Variants in ACTR3C observed in about 807,000 individuals in gnomAD.
ACTR3C encodes the protein actin-related protein 3C.
In ACTR3C, 18 loss-of-function variants were observed where a neutral mutation model predicts 26.3. That is an observed-to-expected ratio of 0.68 (90% CI 0.47 to 1.01). The LOEUF (loss-of-function observed/expected upper bound fraction) is 1.01, where lower values mean the gene tolerates loss of function less well. ACTR3C is among the 50% of genes least tolerant of loss of function. The probability of loss-of-function intolerance (pLI) is 0.00; values close to 1 mark genes in which losing one functional copy is unlikely to be tolerated. For synonymous variants in ACTR3C, 55 were observed against 94.5 expected, an observed-to-expected ratio of 0.58 and a Z score of 2.42; for missense variants, 184 against 250.7, an observed-to-expected ratio of 0.73 and a Z score of 1.80.
At chr7:150,128,610 C>CCTT in the ACTR3C span, among the ~76,000 whole-genome samples, 1 of 151,542 alleles carries the variant, frequency 6.6e-6, no homozygotes, top group Admixed American at 6.6e-5. Context: ...CCATTTCTGT[C>CCTT]CTTCACTCCT....
chr7:149,951,735 T>C, the ACTR3C span, among the ~76,000 whole-genome samples: 1 of 151,628 alleles, frequency 6.6e-6, no homozygotes, highest in Non-Finnish European at 1.5e-5. Context: ...TGGCAACTGA[T>C]CCAGGACCTT....
At chr7:150,307,572 A>G (rs1453934572) in intron 1 of ACTR3C, among the ~76,000 whole-genome samples, 1 of 152,168 alleles carries the variant, frequency 6.6e-6, no homozygotes, top group East Asian at 1.9e-4. Flanking sequence ...CCCAACTCCT[A>G]TAAAGCAACC....
intron 6 of ACTR3C, among the ~76,000 whole-genome samples, chr7:150,254,192 C>G (rs897778475): frequency 6.6e-6 from 1 of 152,096 alleles, no homozygotes; most frequent in African/African-American, 2.4e-5. Flanking sequence ...AGAGATACCC[C>G]ATATTGATGA....
At chr7:150,134,372 G>A in the ACTR3C span, among the ~76,000 whole-genome samples, 1 of 152,338 alleles carries the variant, frequency 6.6e-6, no homozygotes, top group Non-Finnish European at 1.5e-5. Flanking sequence ...AAGACGAGGG[G>A]AATGAAGACC....
the ACTR3C span, among the ~76,000 whole-genome samples, chr7:150,012,434 C>A: frequency 4.0e-5 from 6 of 151,878 alleles, no homozygotes; most frequent in Non-Finnish European, 8.8e-5. Flanking sequence ...CCTGCCTCAG[C>A]CTCCCAAGTA....
the ACTR3C span, among the ~76,000 whole-genome samples, chr7:150,086,527 C>T: frequency 5.3e-5 from 8 of 151,926 alleles, no homozygotes; most frequent in South Asian, 2.1e-4. Context: ...TTATTTTAGC[C>T]CTGCTTTCTC....
the ACTR3C span, among the ~76,000 whole-genome samples, chr7:150,079,890 C>T: frequency 6.6e-6 from 1 of 152,190 alleles, no homozygotes; most frequent in Non-Finnish European, 1.5e-5. Context: ...CTTGCACTTG[C>T]CCATGTGTTA....
chr7:150,251,425 AT>A (rs1386062319), intron 6 of ACTR3C, among the ~76,000 whole-genome samples: 3 of 152,176 alleles, frequency 2.0e-5, no homozygotes, highest in Non-Finnish European at 2.9e-5. Flanking sequence ...AGAGAGTAAG[AT>A]TTTTTTAATT....
At chr7:150,106,905 C>A in the ACTR3C span, among the ~76,000 whole-genome samples, 1 of 146,026 alleles carries the variant, frequency 6.8e-6, no homozygotes, top group African/African-American at 2.7e-5. Flanking sequence ...TGGTTTAGAA[C>A]CCCAAAGAGA....
chr7:150,219,878 G>C, the ACTR3C span, among the ~76,000 whole-genome samples: 1 of 144,886 alleles, frequency 6.9e-6, no homozygotes. Context: ...ATTGTGAAAG[G>C]GGGAGGGGCT....
At chr7:149,978,983 C>T in the ACTR3C span, among the ~76,000 whole-genome samples, 4 of 151,974 alleles carry the variant, frequency 2.6e-5, no homozygotes, top group African/African-American at 7.3e-5. Flanking sequence ...AAATCCCTCT[C>T]TACATCAGAA....
At chr7:149,949,142 C>G in the ACTR3C span, among the ~76,000 whole-genome samples, 1 of 145,370 alleles carries the variant, frequency 6.9e-6, no homozygotes. Context: ...ATGGTGAAAC[C>G]CTTTCTCTAT....
At chr7:150,273,527 G>C (rs1038962680) in intron 6 of ACTR3C, among the ~76,000 whole-genome samples, 12 of 150,970 alleles carry the variant, frequency 7.9e-5, no homozygotes, top group African/African-American at 2.5e-4. Context: ...TTGGCCTCCC[G>C]AAGTGATGGG....
chr7:150,077,245 CTGAT>C, the ACTR3C span, among the ~76,000 whole-genome samples: 1 of 152,094 alleles, frequency 6.6e-6, no homozygotes, highest in Non-Finnish European at 1.5e-5. Context: ...TTTCGTGATG[CTGAT>C]TGTTATAGAG....
At chr7:150,304,761 C>CAA (rs1157185167) in intron 1 of ACTR3C, among the ~76,000 whole-genome samples, 42 of 151,234 alleles carry the variant, frequency 2.8e-4, no homozygotes, top group Non-Finnish European at 5.7e-4. Flanking sequence ...CCCATCAATT[C>CAA]TACCTCCTGT....
At chr7:150,041,875 T>G in the ACTR3C span, among the ~76,000 whole-genome samples, 9,461 of 67,126 alleles carry the variant, frequency 0.14, 256 homozygotes, top group African/African-American at 0.35. Flanking sequence ...CTCGTGAGGG[T>G]TGCCTCCCCC....
chr7:149,882,262 C>T, the ACTR3C span, among the ~76,000 whole-genome samples: 1 of 152,224 alleles, frequency 6.6e-6, no homozygotes, highest in Non-Finnish European at 1.5e-5. Context: ...ACTTCCTTGT[C>T]TCGGCTTCTG....
the ACTR3C span, among the ~76,000 whole-genome samples, chr7:150,091,742 G>A: frequency 6.8e-6 from 1 of 147,438 alleles, no homozygotes; most frequent in African/African-American, 2.5e-5. Context: ...CAGCACTTTG[G>A]GAGGCCGAGG....
chr7:150,058,626 A>G, the ACTR3C span, among the ~76,000 whole-genome samples: 1 of 152,076 alleles, frequency 6.6e-6, no homozygotes, highest in Admixed American at 6.6e-5. Context: ...TTTTGAAACT[A>G]TGAGAAGAGG....
Sources: allele counts gnomAD v4.1 joint callset (sites outside exome capture counted in the v4.1 genomes callset), GRCh38; gene constraint gnomAD v4.1.1; transcripts MANE v1.5; gene names NCBI Gene and HGNC (gene_info 2026-07-23, HGNC 2026-07-21).